Variants in TMEM169 observed in about 807,000 individuals in gnomAD.
The protein encoded by TMEM169 is transmembrane protein 169.
A neutral mutation model predicts 27.3 loss-of-function variants in TMEM169; 18 were observed. The ratio of observed to expected loss-of-function variants is 0.66; its 90% CI spans 0.46 to 0.98. The LOEUF (loss-of-function observed/expected upper bound fraction) is 0.98, where lower values mean the gene tolerates loss of function less well. Among genes scored for constraint, TMEM169 ranks in the 50% least tolerant of loss-of-function variants. The pLI, the probability that TMEM169 is intolerant of heterozygous loss-of-function variation, is 0.00. For synonymous variants in TMEM169, 136 were observed against 142.1 expected (o/e 0.96, Z 0.30); for missense variants, 320 against 368.6 (o/e 0.87, Z 1.08).
intron 1 of TMEM169, among the ~76,000 whole-genome samples, chr2:216,086,910 CAAAAG>C (rs1466461058): frequency 6.6e-6 from 1 of 152,038 alleles, no homozygotes; most frequent in Non-Finnish European, 1.5e-5. Context: ...TAGAAGGAGG[CAAAAG>C]AAAGGGAATA....
intron 1 of TMEM169, among the ~76,000 whole-genome samples, chr2:216,094,791 CAG>C (rs2105985343): frequency 6.6e-6 from 1 of 152,288 alleles, no homozygotes; most frequent in African/African-American, 2.4e-5. Context: ...AAATGAAGGA[CAG>C]ATATACAGAC....
chr2:216,097,084 T>C (rs1215030243), intron 2 of TMEM169, among the ~76,000 whole-genome samples: 1 of 152,258 alleles, frequency 6.6e-6, no homozygotes, highest in Non-Finnish European at 1.5e-5. Flanking sequence ...GTTTATTAAA[T>C]ATTTAGTAAA....
In TMEM169 at chr2:216,096,192, G is replaced by T; in HGVS notation, c.229G>T (p.Glu77Ter). Reference sequence around the variant, plus strand: ...ATCAGAAGGTGGAGATCAGCCTAAAGAGGAGGAGGGAGATGATTTCCTAGA... The same window carrying T: ...ATCAGAAGGTGGAGATCAGCCTAAATAGGAGGAGGGAGATGATTTCCTAGA... ...GESEGGDQPK[E>*]EEGDDFLDYP... The change falls in exon 2 of 3, where the codon GAG (glutamate) becomes TAG (stop). Residue 77 changes from glutamate to a stop codon, truncating the protein, a stop_gained. Coordinates refer to ENST00000437356, the MANE Select transcript of TMEM169 (RefSeq NM_001142311.2). LOFTEE classifies it high-confidence loss of function. The T allele has an allele frequency of 6.2e-7, 1 of 1,614,168 alleles. No homozygotes were observed. The highest frequency in any genetic ancestry group is 1.1e-5 in the South Asian group (1 of 91,066).
At chr2:216,097,953 G>A (rs1696300274) in intron 2 of TMEM169, among the ~76,000 whole-genome samples, 1 of 152,124 alleles carries the variant, frequency 6.6e-6, no homozygotes, top group African/African-American at 2.4e-5. Context: ...TTTGGAGGAG[G>A]TGGAACAGCA....
intron 1 of TMEM169, among the ~76,000 whole-genome samples, chr2:216,090,934 C>A (rs1050182659): frequency 1.3e-5 from 2 of 152,182 alleles, no homozygotes; most frequent in African/African-American, 4.8e-5. Context: ...CAAGTAGCCA[C>A]CAGAACTAGT....
Position 216,095,931 on chromosome 2 carries a change from C to CT in TMEM169, c.-30dup. The CT allele has an allele frequency of 6.3e-7, 1 of 1,592,630 alleles. No individual in the cohort carries two copies. The highest frequency in any genetic ancestry group is 1.1e-5 in the South Asian group (1 of 88,850). ...TGAGTTTACTCAAACAAGTCCAACTCTTTATAAGACATAGGTAGACGTCAG... is the reference window on the plus strand; with the variant it reads ...TGAGTTTACTCAAACAAGTCCAACTCTTTTATAAGACATAGGTAGACGTCAG... On this transcript the variant is annotated 5_prime_UTR_variant, in exon 2 of 3. Coordinates refer to ENST00000437356, the MANE Select transcript of TMEM169 (RefSeq NM_001142311.2).
At chr2:216,091,667 A>G (rs1023327102) in intron 1 of TMEM169, among the ~76,000 whole-genome samples, 1 of 151,866 alleles carries the variant, frequency 6.6e-6, no homozygotes, top group Non-Finnish European at 1.5e-5. Context: ...AGTGAGTCCT[A>G]CCAAACCCCT....
chr2:216,095,176 T>C (rs1437245157), intron 1 of TMEM169, among the ~76,000 whole-genome samples: 4 of 142,558 alleles, frequency 2.8e-5, no homozygotes, highest in African/African-American at 1.1e-4. Flanking sequence ...CAATCTCAGC[T>C]CACCAGGCTC....
chr2:216,095,759 G>A lies in TMEM169; in HGVS notation c.-126-79G>A, dbSNP rs188277993. Reference sequence around the variant, plus strand: ...AAAGGGAGAGGAAGGCTTCTGCTAAGTTGAGGATCGTTTCCCACATTCCTG... The same window carrying A: ...AAAGGGAGAGGAAGGCTTCTGCTAAATTGAGGATCGTTTCCCACATTCCTG... On this transcript the variant is annotated intron_variant, in intron 1 of 2. Transcript: ENST00000437356. The A allele has an allele frequency of 1.6e-3, 856 of 543,432 alleles. 17 individuals carry two copies. The Admixed American group carries it at 0.025, about 16-fold the overall frequency. The allele number at this position is 543,432 out of a possible 1,614,324, so 33.7% of individuals were successfully genotyped here.
At chr2:216,094,069 T>TGGC (rs1696203684) in intron 1 of TMEM169, among the ~76,000 whole-genome samples, 1 of 152,150 alleles carries the variant, frequency 6.6e-6, no homozygotes. Flanking sequence ...GGTGTACATG[T>TGGC]GGCAGTAAAA....
chr2:216,096,233 T>C lies in TMEM169; in HGVS notation c.270T>C (p.Asp90=). Residue 90 remains aspartate (D), a splice_region_variant and synonymous_variant, in exon 2 of 3, where the codon GAT becomes GAC. Transcript: ENST00000437356. ...ATTTCCTAGACTATCCTGTGGATGA[T>C]GGTAAGTCTCTCTAGCCCACTTGTT... ...GDDFLDYPVD[D]DMWNLPLDSR... is the part of the protein sequence containing the mutation. 1.2e-6 allele frequency: 2 copies of C among 1,612,778 alleles called. No individual in the cohort carries two copies. Among genetic ancestry groups the C allele is most frequent in the Admixed American group, 1.7e-5 (1 of 59,946 alleles).
At chr2:216,092,708 C>G (rs1696161576) in intron 1 of TMEM169, among the ~76,000 whole-genome samples, 1 of 152,202 alleles carries the variant, frequency 6.6e-6, no homozygotes, top group African/African-American at 2.4e-5. Context: ...AAGCTCTGGT[C>G]CTTTAATCTC....
chr2:216,102,099 G>A lies in TMEM169; in HGVS notation c.*1557G>A, dbSNP rs1696409217. ...AACTCTTTGTCCTGGTGGTGGAGGTGGGACGAGGTGGTGATATTTAACCTA... is the reference window on the plus strand; with the variant it reads ...AACTCTTTGTCCTGGTGGTGGAGGTAGGACGAGGTGGTGATATTTAACCTA... On this transcript the variant is annotated 3_prime_UTR_variant, in exon 3 of 3. Transcript: ENST00000437356. The A allele has an allele frequency of 6.6e-6, 1 of 152,098 alleles. No homozygotes were observed. Among genetic ancestry groups the A allele is most frequent in the African/African-American group, 2.4e-5 (1 of 41,418 alleles). 9.4% of individuals were successfully genotyped at this position (152,098 alleles called of 1,614,324 possible).
In TMEM169 at chr2:216,095,999, G is replaced by C; in HGVS notation, c.36G>C (p.Gln12His). 6.2e-7 allele frequency: 1 copy of C among 1,614,064 alleles called. No homozygotes were observed. Among genetic ancestry groups the C allele is most frequent in the Non-Finnish European group, 8.5e-7 (1 of 1,180,036 alleles). Residue 12 changes from glutamine to histidine, a missense_variant, in exon 2 of 3, where the codon CAG becomes CAC. Transcript: ENST00000437356. ...CAACAGCAGTAGAAGGCCAGGTCCA[G>C]CTTCCAAGCCCCCACCAGGGCTCTC... ...EEPTAVEGQV[Q>H]LPSPHQGSLR...
intron 1 of TMEM169, among the ~76,000 whole-genome samples, chr2:216,084,483 C>T (rs1295820186): frequency 2.6e-5 from 4 of 152,204 alleles, no homozygotes; most frequent in Non-Finnish European, 5.9e-5. Flanking sequence ...AAAGATTTAT[C>T]GAGCATCTAT....
intron 1 of TMEM169, among the ~76,000 whole-genome samples, chr2:216,083,974 C>A: frequency 6.6e-6 from 1 of 152,132 alleles, no homozygotes; most frequent in South Asian, 2.1e-4. Context: ...GCATCTCTTC[C>A]GAAGGCAACC....
In TMEM169 at chr2:216,099,755, C is replaced by A. The variant is rs969219493; in HGVS notation, c.272-165C>A. On this transcript the variant is annotated intron_variant, in intron 2 of 2. Transcript: ENST00000437356. The surrounding 1 kb of genome is among the most constrained non-coding windows in gnomAD (Gnocchi z 5.0). ...AGCAATAACACCAGTGGTCACTCTC[C>A]CGAGGGAGACCCACTCAGTCCGCCA... 6.6e-6 allele frequency among the ~76,000 whole-genome samples: 1 copy of A among 152,036 alleles called. No individual in the cohort carries two copies. The highest frequency in any genetic ancestry group is 2.4e-5 in the African/African-American group (1 of 41,358).
chr2:216,100,515 C>A lies in TMEM169; in HGVS notation c.867C>A (p.Ile289=). Reference sequence around the variant, plus strand: ...GCACTCTCTCCAACAAGGACCCCATCCAAGAAGTAGAAACCTCCACGGTCT... The same window carrying A: ...GCACTCTCTCCAACAAGGACCCCATACAAGAAGTAGAAACCTCCACGGTCT... ...ISSTLSNKDP[I]QEVETSTV is the part of the protein sequence containing the mutation. The change falls in exon 3 of 3, where the codon ATC becomes ATA. Residue 289 remains isoleucine (I), a synonymous_variant. Transcript: ENST00000437356. 6.2e-7 allele frequency: 1 copy of A among 1,614,102 alleles called. No individual in the cohort carries two copies. Among genetic ancestry groups the A allele is most frequent in the Non-Finnish European group, 8.5e-7 (1 of 1,180,020 alleles).
intron 2 of TMEM169, 135 bp downstream of exon 2, chr2:216,096,369 T>A (rs1696265029): frequency 9.5e-7 from 1 of 1,057,996 alleles, no homozygotes; most frequent in Non-Finnish European, 1.3e-6. Context: ...TACCACCTTT[T>A]ATTTATTTAT....
Sources: gnomAD v4.1 joint callset for allele counts (sites outside exome capture counted in the v4.1 genomes callset) on GRCh38, gnomAD v4.1.1 for gene constraint, Gnocchi (gnomAD v3.1) non-coding constraint, MANE v1.5 for transcripts, NCBI Gene and HGNC (gene_info 2026-07-23, HGNC 2026-07-21) for gene names.